Variants in RIPOR2 observed in about 807,000 individuals in gnomAD.
RIPOR2 encodes the protein rho family-interacting cell polarization regulator 2.
In RIPOR2, 39 loss-of-function variants were observed where a neutral mutation model predicts 114.5. The ratio of observed to expected loss-of-function variants is 0.34; its 90% CI spans 0.26 to 0.44. The LOEUF is 0.44. RIPOR2 is among the 20% of genes least tolerant of loss of function. The pLI, the probability that RIPOR2 is intolerant of heterozygous loss-of-function variation, is 1.00. For missense variants in RIPOR2, 1,007 were observed against 1,255.1 expected (o/e 0.80, Z 2.99); for synonymous variants, 445 against 484.4 (o/e 0.92, Z 1.07).
At chr6:24,839,353 C>A (rs772639500) in intron 13 of RIPOR2, 81 bp from the exon 14 acceptor site, 5 of 1,456,080 alleles carry the variant, frequency 3.4e-6, no homozygotes, top group Middle Eastern at 1.8e-4. Flanking sequence ...ATTGGAGATG[C>A]CACACTTTTT....
intron 1 of RIPOR2, among the ~76,000 whole-genome samples, chr6:24,907,205 C>T (rs1372291724): frequency 6.6e-6 from 1 of 152,184 alleles, no homozygotes; most frequent in African/African-American, 2.4e-5. Context: ...TGGAACACAA[C>T]ATAGAAATAT....
At chr6:24,979,412 C>T (rs1331440562) in intron 1 of RIPOR2, among the ~76,000 whole-genome samples, 3 of 151,880 alleles carry the variant, frequency 2.0e-5, no homozygotes, top group African/African-American at 7.3e-5. Context: ...CAAGTCATCC[C>T]AGTCCACATC....
At chr6:24,980,307 A>G (rs1267743709) in intron 1 of RIPOR2, among the ~76,000 whole-genome samples, 1 of 152,232 alleles carries the variant, frequency 6.6e-6, no homozygotes, top group African/African-American at 2.4e-5. Context: ...CTGAAGTGAT[A>G]TGAGTTGCGC....
chr6:24,808,543 G>A (rs7756233), intron 21 of RIPOR2, among the ~76,000 whole-genome samples: 46,991 of 151,788 alleles, frequency 0.31, 8,115 homozygotes, highest in East Asian at 0.68. Context: ...ATAATTGTAA[G>A]AAAGAGGGCC....
chr6:24,875,630 C>G, intron 2 of RIPOR2, 61 bp downstream of exon 2: 8 of 1,547,800 alleles, frequency 5.2e-6, no homozygotes, highest in Non-Finnish European at 7.0e-6. Context: ...ACCCTCTTCA[C>G]AACATCAAAG....
chr6:24,912,479 C>T (rs1418565971), intron 1 of RIPOR2, among the ~76,000 whole-genome samples: 2 of 139,490 alleles, frequency 1.4e-5, no homozygotes, highest in Non-Finnish European at 3.1e-5. Flanking sequence ...TTTTTTTTTG[C>T]CCTTTCATTT....
chr6:25,004,353 A>G (rs1252462015), intron 1 of RIPOR2, among the ~76,000 whole-genome samples: 1 of 152,246 alleles, frequency 6.6e-6, no homozygotes, highest in Admixed American at 6.5e-5. Context: ...CAAGTTAAAA[A>G]AAGTCTCTGT....
At position 24,931,266 on chromosome 6, in the gene RIPOR2, G is replaced by A. The variant is rs184792384; in HGVS notation, c.61+4572C>T. Among the ~76,000 whole-genome samples the A allele has an allele frequency of 7.9e-5, 12 of 152,186 alleles. 1 individual carries two copies. The highest frequency in any genetic ancestry group is 7.9e-4 in the Admixed American group (12 of 15,272). ...CCTACATGGAAAGACAAAAAAAATAGGTATTTATCCTAATTACAATTCTTT... is the reference window on the plus strand; with the variant it reads ...CCTACATGGAAAGACAAAAAAAATAAGTATTTATCCTAATTACAATTCTTT... On this transcript the variant is annotated intron_variant, in intron 1 of 21. Transcript: ENST00000643898.
rs1184995380 is a variant in RIPOR2 at position 24,835,696 on chromosome 6, A to T, written c.2208+7T>A. Reference sequence around the variant, plus strand: ...CATCTCAAACACAAATTCATCGCTGATCCTACCTGCACGAGTTGGGTGCAG... The same window carrying T: ...CATCTCAAACACAAATTCATCGCTGTTCCTACCTGCACGAGTTGGGTGCAG... On this transcript the variant is annotated splice_region_variant and intron_variant, in intron 15 of 21. Transcript: ENST00000643898. The T allele has an allele frequency of 3.9e-6, 6 of 1,551,102 alleles. No individual in the cohort carries two copies. Among genetic ancestry groups the T allele is most frequent in the Non-Finnish European group, 4.4e-6 (5 of 1,146,606 alleles).
chr6:25,021,869 G>T (rs953988990), intron 1 of RIPOR2, among the ~76,000 whole-genome samples: 1 of 152,198 alleles, frequency 6.6e-6, no homozygotes, highest in Non-Finnish European at 1.5e-5. Flanking sequence ...TAGCTGAGGA[G>T]TTTGTCTATA....
In RIPOR2 at chr6:24,843,460, C is replaced by T. The variant is rs1761941989; in HGVS notation, c.1259G>A (p.Cys420Tyr). The T allele has an allele frequency of 1.9e-6, 3 of 1,609,548 alleles. No homozygotes were observed. The highest frequency in any genetic ancestry group is 2.5e-6 in the Non-Finnish European group (3 of 1,176,512). ...LSFSDLPNGD[C>Y]ALTSHSTGSP... Reference sequence around the variant, plus strand: ...GCCTGTTGAGTGGGAGGTGAGGGCGCAGTCCCCGTTGGGCAGGTCACTGAA... The same window carrying T: ...GCCTGTTGAGTGGGAGGTGAGGGCGTAGTCCCCGTTGGGCAGGTCACTGAA... Residue 420 changes from cysteine (C) to tyrosine (Y), a missense_variant, in exon 13 of 22, where the codon TGC becomes TAC. Coordinates refer to ENST00000643898, the MANE Select transcript of RIPOR2 (RefSeq NM_001286445.3).
At chr6:24,829,596 C>T (rs1395224654) in intron 17 of RIPOR2, among the ~76,000 whole-genome samples, 1 of 152,142 alleles carries the variant, frequency 6.6e-6, no homozygotes, top group East Asian at 1.9e-4. Context: ...CACTGCGTTC[C>T]CCCTGGATGA....
At chr6:24,978,859 G>C (rs1322637901) in intron 1 of RIPOR2, among the ~76,000 whole-genome samples, 2 of 152,102 alleles carry the variant, frequency 1.3e-5, no homozygotes, top group Non-Finnish European at 2.9e-5. Flanking sequence ...TACTTCATCT[G>C]GTGGGAGAAT....
chr6:24,917,365 G>A (rs1028280827), intron 1 of RIPOR2, among the ~76,000 whole-genome samples: 1 of 152,144 alleles, frequency 6.6e-6, no homozygotes, highest in African/African-American at 2.4e-5. Context: ...AGTTCTAAAC[G>A]CCATAGGCTG....
At chr6:24,876,176 A>G (rs1174967717) in intron 1 of RIPOR2, among the ~76,000 whole-genome samples, 1 of 151,772 alleles carries the variant, frequency 6.6e-6, no homozygotes, top group Non-Finnish European at 1.5e-5. Context: ...TGTAATCCTA[A>G]CCACTCGGGA....
chr6:24,928,945 G>A (rs938674555), intron 1 of RIPOR2, among the ~76,000 whole-genome samples: 4 of 152,090 alleles, frequency 2.6e-5, no homozygotes, highest in African/African-American at 2.4e-5. Context: ...TATATTTTAA[G>A]TTTCAAGAGT....
At chr6:25,028,112 G>A (rs1776717101) in intron 1 of RIPOR2, among the ~76,000 whole-genome samples, 1 of 152,202 alleles carries the variant, frequency 6.6e-6, no homozygotes, top group Non-Finnish European at 1.5e-5. Context: ...TTGAACATTC[G>A]GTTAATTTTC....
chr6:24,897,548 T>G (rs1243706820), intron 1 of RIPOR2, among the ~76,000 whole-genome samples: 1 of 152,216 alleles, frequency 6.6e-6, no homozygotes, highest in Non-Finnish European at 1.5e-5. Flanking sequence ...TTACCAGTTA[T>G]GTTTCTGTTA....
chr6:24,906,192 A>G (rs1467010828), intron 1 of RIPOR2, among the ~76,000 whole-genome samples: 1 of 152,130 alleles, frequency 6.6e-6, no homozygotes, highest in Non-Finnish European at 1.5e-5. Context: ...TCCTACCTTC[A>G]GTCTAGATCT....
Sources: gnomAD v4.1 joint callset for allele counts (sites outside exome capture counted in the v4.1 genomes callset) on GRCh38, gnomAD v4.1.1 for gene constraint, MANE v1.5 for transcripts, NCBI Gene and HGNC (gene_info 2026-07-23, HGNC 2026-07-21) for gene names.